The following NRXN1 variants were observed in gnomAD, a reference collection of about 807,000 sequenced individuals.
The protein encoded by NRXN1 is neurexin 1.
In NRXN1, 39 loss-of-function variants were observed where a neutral mutation model predicts 150.9. That is an observed-to-expected ratio of 0.26 (90% CI 0.20 to 0.34). The LOEUF (loss-of-function observed/expected upper bound fraction) is 0.34, where lower values mean the gene tolerates loss of function less well. Ranked by LOEUF, NRXN1 falls within the 10% of genes least tolerant of loss-of-function variation. NRXN1 has a pLI of 1.00. For synonymous variants in NRXN1, 924 were observed against 757.0 expected (o/e 1.22, Z -3.62); for missense variants, 1,815 against 1,949.9 (o/e 0.93, Z 1.30).
At chr2:50,400,274 C>T (rs74990332) in intron 17 of NRXN1, among the ~76,000 whole-genome samples, 2,232 of 152,186 alleles carry the variant, frequency 0.015, 55 homozygotes, top group African/African-American at 0.049. Flanking sequence ...AGATTTTCCA[C>T]ATTACTGAAA....
At chr2:50,224,693 A>AAGAGAGAGAGAGAGAGAGAGAG (rs201700032) in intron 18 of NRXN1, among the ~76,000 whole-genome samples, 13 of 130,482 alleles carry the variant, frequency 1.0e-4, no homozygotes, top group East Asian at 5.0e-4. Flanking sequence ...GAGAGGGAGA[A>AAGAGAGAGAGAGAGAGAGAGAG]AGAGAGAGAG....
intron 2 of NRXN1, among the ~76,000 whole-genome samples, chr2:50,978,898 T>A (rs1696339103): frequency 6.6e-6 from 1 of 152,062 alleles, no homozygotes; most frequent in East Asian, 1.9e-4. Flanking sequence ...ACTCAACAAA[T>A]GTTCTAATAG....
At chr2:50,560,586 C>G (rs770907658) in intron 8 of NRXN1, among the ~76,000 whole-genome samples, 11 of 152,094 alleles carry the variant, frequency 7.2e-5, no homozygotes, top group Non-Finnish European at 1.2e-4. Context: ...GCATGTGCTA[C>G]CACGCCCGGT....
intron 12 of NRXN1, among the ~76,000 whole-genome samples, chr2:50,512,615 TCTTC>T (rs1428691051): frequency 6.6e-6 from 1 of 152,216 alleles, no homozygotes; most frequent in Non-Finnish European, 1.5e-5. Flanking sequence ...CTTGCCTCTG[TCTTC>T]CTTGTTATTG....
At chr2:49,979,071 G>A (rs1895129) in intron 21 of NRXN1, among the ~76,000 whole-genome samples, 71,714 of 151,976 alleles carry the variant, frequency 0.47, 17,579 homozygotes, top group Middle Eastern at 0.63. Context: ...GGCCGAAGCA[G>A]GTGGATCACA....
intron 18 of NRXN1, among the ~76,000 whole-genome samples, chr2:50,201,116 T>A (rs2062131800): frequency 6.6e-6 from 1 of 152,160 alleles, no homozygotes. Flanking sequence ...AAACAAATAG[T>A]TATTTGCCTC....
In NRXN1 at chr2:50,341,458, C is replaced by G. The variant is rs138525411; in HGVS notation, c.3365-104488G>C. Among the ~76,000 whole-genome samples the G allele has an allele frequency of 6.2e-3, 940 of 150,770 alleles. 8 individuals carry two copies. The highest frequency in any genetic ancestry group is 0.01 in the Non-Finnish European group (692 of 67,802). ...TCTGGGCACTTTTCAAATTCATGGTCTCATTTATTCTTCACTTATTGTATT... is the reference window on the plus strand; with the variant it reads ...TCTGGGCACTTTTCAAATTCATGGTGTCATTTATTCTTCACTTATTGTATT... On this transcript the variant is annotated intron_variant, in intron 17 of 22. Transcript: ENST00000401669.
At chr2:50,302,231 A>G (rs990060621) in intron 17 of NRXN1, among the ~76,000 whole-genome samples, 3 of 152,170 alleles carry the variant, frequency 2.0e-5, no homozygotes, top group Non-Finnish European at 4.4e-5. Context: ...TCAAGGAATG[A>G]ATCCTTGAAG....
intron 18 of NRXN1, among the ~76,000 whole-genome samples, chr2:50,149,699 T>C (rs765344564): frequency 2.0e-5 from 3 of 151,762 alleles, no homozygotes; most frequent in Non-Finnish European, 2.9e-5. Context: ...TCCTTATCTT[T>C]ATATATACAT....
intron 17 of NRXN1, among the ~76,000 whole-genome samples, chr2:50,253,396 C>T (rs1436390798): frequency 6.6e-6 from 1 of 151,986 alleles, no homozygotes; most frequent in African/African-American, 2.4e-5. Context: ...ATTTGAATAC[C>T]CCTTATTTCT....
rs1182326339 is a variant in NRXN1, at chr2:50,014,402, G to C, written c.4128+38869C>G. ...AGGATTTTGTAACCATGATGCAATT[G>C]ACATTTAGGATTAGGCAATTCTTAC... On this transcript the variant is annotated intron_variant, in intron 21 of 22. Coordinates refer to ENST00000401669, the MANE Select transcript of NRXN1 (RefSeq NM_001330078.2). Among the ~76,000 whole-genome samples the C allele has an allele frequency of 2.0e-5, 3 of 152,168 alleles. No individual in the cohort carries two copies. In the East Asian group the frequency reaches 5.8e-4, roughly 29 times the overall value.
intron 17 of NRXN1, among the ~76,000 whole-genome samples, chr2:50,405,210 T>C (rs2082675176): frequency 6.6e-6 from 1 of 152,170 alleles, no homozygotes; most frequent in South Asian, 2.1e-4. Flanking sequence ...ATCTTTCCAC[T>C]TGCAGATTGA....
intron 5 of NRXN1, among the ~76,000 whole-genome samples, chr2:50,648,623 T>A (rs181277677): frequency 7.9e-5 from 12 of 152,096 alleles, no homozygotes; most frequent in Admixed American, 7.9e-4. Context: ...AATATGATGA[T>A]GTTTATGGTC....
intron 17 of NRXN1, among the ~76,000 whole-genome samples, chr2:50,310,594 T>G (rs2075093091): frequency 6.6e-6 from 1 of 152,176 alleles, no homozygotes; most frequent in Non-Finnish European, 1.5e-5. Flanking sequence ...ATAAATCAAT[T>G]TAAACATTAT....
Position 50,799,718 on chromosome 2 carries a change from G to A in NRXN1, c.832+122151C>T, listed in dbSNP as rs562884306. ...AACTGTAGCCTAATGTGCGTGCTCT[G>A]ATCATGTTTAGTCTAGGCCAAGCTA... On this transcript the variant is annotated intron_variant, in intron 5 of 22. Coordinates refer to ENST00000401669, the MANE Select transcript of NRXN1 (RefSeq NM_001330078.2). Among the ~76,000 whole-genome samples the A allele has an allele frequency of 7.9e-5, 12 of 152,224 alleles. 1 individual carries two copies. The South Asian group carries it at 2.5e-3, about 32-fold the overall frequency.
In NRXN1 at chr2:50,472,430, A is replaced by T. The variant is rs2089576800; in HGVS notation, c.3112T>A (p.Ser1038Thr). ...IGGVAKETYK[S>T]LPKLVHAKEG... is the part of the protein sequence containing the mutation. ...TTGGCATGTACAAGTTTTGGTAAGG[A>T]TTTGTATGTTTCTTTAGCTACTCCT... is the stretch of plus-strand genomic sequence containing the variant. Residue 1038 changes from serine to threonine, a missense_variant, in exon 16 of 23, where the codon TCC (serine) becomes ACC (threonine). Physicochemically the swap from Ser to Thr is moderately conservative, Grantham distance 58. Around this residue, in one of 6 missense-constraint regions of NRXN1, gnomAD observed 339 missense variants for 440.3 expected, o/e 0.77. Coordinates refer to ENST00000401669, the MANE Select transcript of NRXN1 (RefSeq NM_001330078.2). 6.2e-7 allele frequency: 1 copy of T among 1,612,180 alleles called. No homozygotes were observed. Among genetic ancestry groups the T allele is most frequent in the Non-Finnish European group, 8.5e-7 (1 of 1,178,780 alleles).
chr2:50,603,152 G>C (rs1462373988), intron 8 of NRXN1, among the ~76,000 whole-genome samples: 3 of 152,170 alleles, frequency 2.0e-5, no homozygotes, highest in Non-Finnish European at 4.4e-5. Context: ...ACCTTTGCTA[G>C]AATACAGAGA....
intron 18 of NRXN1, among the ~76,000 whole-genome samples, chr2:50,204,490 A>G (rs1271551455): frequency 1.3e-5 from 2 of 151,910 alleles, no homozygotes; most frequent in Admixed American, 6.6e-5. Context: ...TATTTCCATG[A>G]GCTCAGACAA....
intron 18 of NRXN1, among the ~76,000 whole-genome samples, chr2:50,110,188 C>G (rs761248773): frequency 6.6e-6 from 1 of 152,038 alleles, no homozygotes; most frequent in Non-Finnish European, 1.5e-5. Flanking sequence ...CCTCCCTCCT[C>G]ACTTAGAAAT....
Sources: gnomAD v4.1 joint callset for allele counts (sites outside exome capture counted in the v4.1 genomes callset) on GRCh38, gnomAD v4.1.1 for gene constraint, gnomAD v4.1.1 regional missense constraint, MANE v1.5 for transcripts, NCBI Gene and HGNC (gene_info 2026-07-23, HGNC 2026-07-21) for gene names.